The following STRBP variants were observed in gnomAD, a reference collection of about 807,000 sequenced individuals.
STRBP encodes spermatid perinuclear RNA-binding protein.
In STRBP, 13 loss-of-function variants were observed where a neutral mutation model predicts 80.1. That is an observed-to-expected ratio of 0.16 (90% CI 0.11 to 0.26). The LOEUF (loss-of-function observed/expected upper bound fraction) is 0.26, where lower values mean the gene tolerates loss of function less well. STRBP is among the 10% of genes least tolerant of loss of function. The pLI, the probability that STRBP is intolerant of heterozygous loss-of-function variation, is 1.00. For synonymous variants in STRBP, 284 were observed against 291.2 expected, an observed-to-expected ratio of 0.98 and a Z score of 0.25; for missense variants, 485 against 815.2, an observed-to-expected ratio of 0.59 and a Z score of 4.93.
At chr9:123,169,875 T>TATAC in intron 6 of STRBP, 27 bp downstream of exon 6, 1 of 666,794 alleles carries the variant, frequency 1.5e-6, no homozygotes, top group Non-Finnish European at 1.9e-6. Context: ...AATATATACA[T>TATAC]ATATATATAT....
At chr9:123,254,509 C>G (rs1282983391) in intron 1 of STRBP, among the ~76,000 whole-genome samples, 5 of 151,320 alleles carry the variant, frequency 3.3e-5, no homozygotes, top group African/African-American at 1.2e-4. Flanking sequence ...CTACCTCTTG[C>G]CCCAACTCTG....
intron 11 of STRBP, among the ~76,000 whole-genome samples, chr9:123,157,267 T>A (rs113271737): frequency 2.0e-5 from 3 of 152,212 alleles, no homozygotes; most frequent in African/African-American, 7.2e-5. Flanking sequence ...TTAGATAACA[T>A]TTCCAAGCTT....
chr9:123,166,667 T>C (rs778437645), intron 6 of STRBP, among the ~76,000 whole-genome samples: 1 of 151,944 alleles, frequency 6.6e-6, no homozygotes, highest in Admixed American at 6.6e-5. Context: ...GGCACGAGAA[T>C]TGCTTGAACC....
At chr9:123,232,245 A>G (rs2040419029) in intron 2 of STRBP, among the ~76,000 whole-genome samples, 2 of 152,272 alleles carry the variant, frequency 1.3e-5, no homozygotes, top group South Asian at 4.2e-4. Context: ...CAGGAGGCGG[A>G]GGTTGCAGTG....
chr9:123,216,506 T>C (rs904358181), intron 2 of STRBP, among the ~76,000 whole-genome samples: 3 of 152,226 alleles, frequency 2.0e-5, no homozygotes, highest in Admixed American at 6.5e-5. Context: ...AGTCTTGCCA[T>C]AGAAATGTCT....
chr9:123,182,052 T>A (rs2038490177), intron 3 of STRBP, among the ~76,000 whole-genome samples: 1 of 150,064 alleles, frequency 6.7e-6, no homozygotes, highest in South Asian at 2.1e-4. Context: ...CTATCTCTAC[T>A]AAAAATACAA....
chr9:123,215,078 T>C (rs2039850365), intron 2 of STRBP, among the ~76,000 whole-genome samples: 1 of 152,070 alleles, frequency 6.6e-6, no homozygotes, highest in African/African-American at 2.4e-5. Context: ...TTTTTTTTTT[T>C]CTTAAAGAGA....
At chr9:123,181,032 C>A in intron 3 of STRBP, 1 of 595,368 alleles carries the variant, frequency 1.7e-6, no homozygotes, top group Non-Finnish European at 2.1e-6. Context: ...TATAGTGTCA[C>A]TGTCCTCTAT....
chr9:123,136,629 CA>C lies in STRBP; in HGVS notation c.1498-115del. The C allele has an allele frequency of 7.9e-7, 1 of 1,265,728 alleles. No individual in the cohort carries two copies. The highest frequency in any genetic ancestry group is 2.5e-5 in the East Asian group (1 of 39,588). 78.4% of individuals were successfully genotyped at this position (1,265,728 alleles called of 1,614,324 possible). The stretch of plus-strand genomic sequence containing the variant: ...CTCAAAAATTCTACTTCAAAGCACT[CA>C]GGGGCTAGAATGAGTCACCTCTTTA... On this transcript the variant is annotated intron_variant, in intron 14 of 18. Coordinates refer to ENST00000348403, the MANE Select transcript of STRBP (RefSeq NM_018387.5). This position sits in a 1 kb window ranked among gnomAD's most constrained non-coding sequence, Gnocchi z 4.2.
intron 1 of STRBP, among the ~76,000 whole-genome samples, chr9:123,242,164 T>C (rs1237555350): frequency 6.6e-6 from 1 of 152,208 alleles, no homozygotes; most frequent in Non-Finnish European, 1.5e-5. Context: ...ATCAATCAAT[T>C]AGCCACCCCA....
chr9:123,132,530 A>G (rs972555003), intron 17 of STRBP, among the ~76,000 whole-genome samples: 3 of 152,068 alleles, frequency 2.0e-5, no homozygotes. Flanking sequence ...CCTGTCATCT[A>G]TGTCCTCGAT....
At chr9:123,182,217 TAAAAAAAAAAAAAA>T (rs10546358) in intron 3 of STRBP, among the ~76,000 whole-genome samples, 100 of 69,792 alleles carry the variant, frequency 1.4e-3, no homozygotes, top group South Asian at 4.1e-3. Flanking sequence ...TCCGTTTCTT[TAAAAAAAAAAAAAA>T]AAAAAAAAAA....
At chr9:123,215,350 C>T (rs951295289) in intron 2 of STRBP, among the ~76,000 whole-genome samples, 2 of 152,174 alleles carry the variant, frequency 1.3e-5, no homozygotes, top group East Asian at 3.8e-4. Context: ...AGCCACTGTG[C>T]CCAGCCTGAA....
At chr9:123,257,919 TTATATC>T (rs898229105) in intron 1 of STRBP, among the ~76,000 whole-genome samples, 3 of 151,902 alleles carry the variant, frequency 2.0e-5, no homozygotes, top group African/African-American at 4.8e-5. Context: ...TATAGAATTA[TTATATC>T]TATATCTTTG....
Position 123,124,186 on chromosome 9 carries a change from T to A in STRBP, c.*1411A>T, listed in dbSNP as rs2035814248. On this transcript the variant is annotated 3_prime_UTR_variant, in exon 19 of 19. Transcript: ENST00000348403. ...AGCCCATTCTCATGGATGGGCCCTG[T>A]CAAGTTCCCAAAAGCAGAACTGAAT... is the stretch of plus-strand genomic sequence containing the variant. 1.0e-6 allele frequency: 1 copy of A among 985,316 alleles called. No homozygotes were observed. The highest frequency in any genetic ancestry group is 1.2e-6 in the Non-Finnish European group (1 of 829,946). 61.0% of individuals were successfully genotyped at this position (985,316 alleles called of 1,614,324 possible). A position where few individuals can be genotyped will look rare whatever the true frequency, so the allele number is the denominator to read the frequency against.
chr9:123,185,667 C>G (rs1222890240), intron 2 of STRBP, among the ~76,000 whole-genome samples: 1 of 152,134 alleles, frequency 6.6e-6, no homozygotes, highest in African/African-American at 2.4e-5. Flanking sequence ...TTCAGCATCT[C>G]CCATTCCCAA....
At chr9:123,121,616 G>GTTTTTTTTTTTTTTTTTT (rs55974272), downstream of STRBP, 1 of 132,592 alleles carries the variant, frequency 7.5e-6, no homozygotes, top group Non-Finnish European at 1.7e-5. Context: ...TTTTGTTTTT[G>GTTTTTTTTTTTTTTTTTT]TTTTTTTTTT....
At chr9:123,263,683 A>G (rs1246509944) in intron 1 of STRBP, among the ~76,000 whole-genome samples, 2 of 152,196 alleles carry the variant, frequency 1.3e-5, no homozygotes, top group East Asian at 3.8e-4. Flanking sequence ...TACCTGTCAA[A>G]GCATACGGAA....
chr9:123,264,210 C>G (rs966787578), intron 1 of STRBP, among the ~76,000 whole-genome samples: 3 of 152,210 alleles, frequency 2.0e-5, no homozygotes, highest in Admixed American at 1.3e-4. Flanking sequence ...ATTCACTGAG[C>G]CAAAGAAGGC....
Sources: gnomAD v4.1 joint callset for allele counts (sites outside exome capture counted in the v4.1 genomes callset) on GRCh38, gnomAD v4.1.1 for gene constraint, Gnocchi (gnomAD v3.1) non-coding constraint, MANE v1.5 for transcripts, NCBI Gene and HGNC (gene_info 2026-07-23, HGNC 2026-07-21) for gene names.